The following ATRN variants were observed in gnomAD, a reference collection of about 807,000 sequenced individuals.
ATRN encodes attractin.
In ATRN, 54 loss-of-function variants were observed where a neutral mutation model predicts 178.7. The observed-to-expected ratio is 0.30, with a 90% CI of 0.24 to 0.38. The LOEUF (loss-of-function observed/expected upper bound fraction) is 0.38. Among genes scored for constraint, ATRN ranks in the 10% least tolerant of loss-of-function variants. The pLI is 1.00. For synonymous variants in ATRN, 636 were observed against 663.0 expected, an observed-to-expected ratio of 0.96 and a Z score of 0.63; for missense variants, 1,443 against 1,815.1, an observed-to-expected ratio of 0.79 and a Z score of 3.73.
chr20:3,576,059 T>A, intron 13 of ATRN, 111 bp downstream of exon 13: 3 of 1,247,242 alleles, frequency 2.4e-6, no homozygotes, highest in Non-Finnish European at 3.2e-6. Flanking sequence ...CAAATGGGTT[T>A]CTATTTGGAT....
rs762678696 is a variant in ATRN, at chr20:3,563,290, A to G, written c.1713A>G (p.Gly571=). ...GTGGAACCATGCTGGTGTTTGGAGGAAACACACACAATGACACATCTATGA... is the reference window on the plus strand; with the variant it reads ...GTGGAACCATGCTGGTGTTTGGAGGGAACACACACAATGACACATCTATGA... ...IVSGTMLVFG[G]NTHNDTSMSH... is the part of the protein sequence containing the mutation. The change falls in exon 10 of 29, where the codon GGA becomes GGG. Residue 571 remains glycine, a synonymous_variant. Transcript: ENST00000262919. 4.3e-6 allele frequency: 7 copies of G among 1,614,046 alleles called. No homozygotes were observed. Among genetic ancestry groups the G allele is most frequent in the Non-Finnish European group, 5.9e-6 (7 of 1,180,022 alleles).
At chr20:3,505,769 G>C (rs1485213700) in intron 1 of ATRN, among the ~76,000 whole-genome samples, 2 of 152,044 alleles carry the variant, frequency 1.3e-5, no homozygotes, top group Non-Finnish European at 2.9e-5. Flanking sequence ...AGATAGAAAA[G>C]GATACTAAAT....
At position 3,540,350 on chromosome 20, in the gene ATRN, A is replaced by AC; in HGVS notation, c.608+16dup. 6.8e-7 allele frequency: 1 copy of AC among 1,468,892 alleles called. No homozygotes were observed. 91.0% of individuals were successfully genotyped at this position (1,468,892 alleles called of 1,614,324 possible). On this transcript the variant is annotated intron_variant, in intron 3 of 28. Coordinates refer to ENST00000262919, the MANE Select transcript of ATRN (RefSeq NM_139321.3). ...GCTGCATTTAGGTAAGCTCAGTCTT[A>AC]CAAGCCTTCTTTCATCGTTTGATTT...
At chr20:3,529,370 T>A (rs758248439) in intron 1 of ATRN, among the ~76,000 whole-genome samples, 2 of 152,210 alleles carry the variant, frequency 1.3e-5, no homozygotes, top group Non-Finnish European at 2.9e-5. Flanking sequence ...GAAATGTAGA[T>A]ACCTGTCCAC....
intron 12 of ATRN, among the ~76,000 whole-genome samples, chr20:3,574,121 G>A (rs554873303): frequency 6.6e-6 from 1 of 152,320 alleles, no homozygotes; most frequent in Non-Finnish European, 1.5e-5. Flanking sequence ...AGTAGGATTG[G>A]TGTTGCAGTT....
chr20:3,519,933 G>A (rs932118087), intron 1 of ATRN, among the ~76,000 whole-genome samples: 2 of 152,186 alleles, frequency 1.3e-5, no homozygotes, highest in Admixed American at 1.3e-4. Context: ...ACAGGTAAAA[G>A]AAAGATGTTT....
At chr20:3,589,971 T>C (rs1437827078) in intron 18 of ATRN, among the ~76,000 whole-genome samples, 3 of 152,168 alleles carry the variant, frequency 2.0e-5, no homozygotes, top group Non-Finnish European at 4.4e-5. Flanking sequence ...ATTTTTGAGA[T>C]GGAGTTTCAC....
intron 1 of ATRN, among the ~76,000 whole-genome samples, chr20:3,492,883 A>G (rs1234101205): frequency 4.1e-5 from 6 of 147,928 alleles, no homozygotes; most frequent in African/African-American, 1.5e-4. Context: ...ACGCACACAC[A>G]CACACACACA....
chr20:3,614,926 T>C (rs1001649842), intron 24 of ATRN, among the ~76,000 whole-genome samples: 3 of 152,216 alleles, frequency 2.0e-5, no homozygotes, highest in African/African-American at 4.8e-5. Flanking sequence ...TTCACCCGTG[T>C]TTAGTATGTT....
intron 1 of ATRN, among the ~76,000 whole-genome samples, chr20:3,501,675 A>G (rs1215093316): frequency 3.3e-5 from 5 of 152,190 alleles, no homozygotes; most frequent in African/African-American, 1.2e-4. Flanking sequence ...AGAGACCAAA[A>G]TTTTGGAGAG....
chr20:3,526,782 T>C (rs1458155601), intron 1 of ATRN, among the ~76,000 whole-genome samples: 5 of 152,180 alleles, frequency 3.3e-5, no homozygotes, highest in African/African-American at 1.2e-4. Context: ...GCCACACATC[T>C]GCAACCATCT....
rs969190373 is a variant in ATRN, at chr20:3,650,606, T to C, written c.*3759T>C. 1 of 152,296 alleles carries C rather than the reference T, an allele frequency of 6.6e-6. No individual in the cohort carries two copies. Among genetic ancestry groups the C allele is most frequent in the Non-Finnish European group, 1.5e-5 (1 of 68,048 alleles). The allele number at this position is 152,296 out of a possible 1,614,324, so 9.4% of individuals were successfully genotyped here. A position where few individuals can be genotyped will look rare whatever the true frequency, so the allele number is the denominator to read the frequency against. ...AGATAGCCAGGCCCACCAAGAGATATTGCCCCTTGATGAGAGTCAAACACC... is the reference window on the plus strand; with the variant it reads ...AGATAGCCAGGCCCACCAAGAGATACTGCCCCTTGATGAGAGTCAAACACC... On this transcript the variant is annotated 3_prime_UTR_variant, in exon 29 of 29. Coordinates refer to ENST00000262919, the MANE Select transcript of ATRN (RefSeq NM_139321.3).
At chr20:3,630,413 T>G (rs1227843415) in intron 25 of ATRN, among the ~76,000 whole-genome samples, 1 of 152,152 alleles carries the variant, frequency 6.6e-6, no homozygotes, top group Non-Finnish European at 1.5e-5. Flanking sequence ...TTGTGGGAAG[T>G]AAACTTAGAC....
chr20:3,575,700 T>C, intron 12 of ATRN, 127 bp from the exon 13 acceptor site: 2 of 1,056,286 alleles, frequency 1.9e-6, no homozygotes, highest in Non-Finnish European at 2.7e-6. Flanking sequence ...ATACCAAATA[T>C]ATTTTCCTGC....
chr20:3,611,782 A>C (rs1385720785), intron 24 of ATRN, among the ~76,000 whole-genome samples: 8 of 152,194 alleles, frequency 5.3e-5, no homozygotes, highest in Admixed American at 6.5e-5. Context: ...TGCAAATTGA[A>C]AGCACAATGA....
At chr20:3,536,605 C>T (rs1216234389) in intron 2 of ATRN, among the ~76,000 whole-genome samples, 1 of 152,034 alleles carries the variant, frequency 6.6e-6, no homozygotes, top group Non-Finnish European at 1.5e-5. Flanking sequence ...AATTATAAGC[C>T]ATGTTAGTAC....
chr20:3,494,666 T>A (rs1435943761), intron 1 of ATRN, among the ~76,000 whole-genome samples: 1 of 152,122 alleles, frequency 6.6e-6, no homozygotes, highest in African/African-American at 2.4e-5. Context: ...AAAGAAAGCA[T>A]AAAAGAAGGG....
At position 3,638,038 on chromosome 20, in the gene ATRN, G is replaced by A. The variant is rs2087038507; in HGVS notation, c.3943-790G>A. ...AGCCTGACTTTAGTAGTAGAAATAC[G>A]AGGAGATAGAGCCACACCATTTTAT... On this transcript the variant is annotated intron_variant, in intron 26 of 28. Coordinates refer to ENST00000262919, the MANE Select transcript of ATRN (RefSeq NM_139321.3). This position sits in a 1 kb window ranked among gnomAD's most constrained non-coding sequence, Gnocchi z 4.5. Among the ~76,000 whole-genome samples, 1 of 152,172 alleles carries A rather than the reference G, an allele frequency of 6.6e-6. No individual in the cohort carries two copies. Among genetic ancestry groups the A allele is most frequent in the Admixed American group, 6.5e-5 (1 of 15,280 alleles).
chr20:3,638,169 G>A lies in ATRN; in HGVS notation c.3943-659G>A, dbSNP rs76044425. Among the ~76,000 whole-genome samples, 947 of 152,260 alleles carry A rather than the reference G, an allele frequency of 6.2e-3. 7 individuals carry two copies. Among genetic ancestry groups the A allele is most frequent in the African/African-American group, 0.021 (874 of 41,530 alleles). On this transcript the variant is annotated intron_variant, in intron 26 of 28. Transcript: ENST00000262919. The surrounding 1 kb of genome is among the most constrained non-coding windows in gnomAD (Gnocchi z 4.5). The stretch of plus-strand genomic sequence containing the variant: ...CTGGGATACATGTACAGAACATGTA[G>A]ATTTGTTACATAGGTATACATGTGC...
Sources: allele counts gnomAD v4.1 joint callset (sites outside exome capture counted in the v4.1 genomes callset), GRCh38; gene constraint gnomAD v4.1.1; non-coding constraint Gnocchi (gnomAD v3.1); transcripts MANE v1.5; gene names NCBI Gene and HGNC (gene_info 2026-07-23, HGNC 2026-07-21).